Variants in NRXN1 observed in about 807,000 individuals in gnomAD.
NRXN1 encodes neurexin 1.
A neutral mutation model predicts 150.9 loss-of-function variants in NRXN1; 39 were observed. That is an observed-to-expected ratio of 0.26 (90% confidence interval 0.20 to 0.34). The LOEUF (loss-of-function observed/expected upper bound fraction) is 0.34, where lower values mean the gene tolerates loss of function less well. Among genes scored for constraint, NRXN1 ranks in the 10% least tolerant of loss-of-function variants. The probability of loss-of-function intolerance (pLI) is 1.00; values close to 1 mark genes in which losing one functional copy is unlikely to be tolerated. For missense variants in NRXN1, 1,815 were observed against 1,949.9 expected (o/e 0.93, Z 1.30); for synonymous variants, 924 against 757.0 (o/e 1.22, Z -3.62).
intron 15 of NRXN1, among the ~76,000 whole-genome samples, chr2:50,484,840 T>TAGTAGAAA (rs1558811563): frequency 6.6e-6 from 1 of 152,152 alleles, no homozygotes; most frequent in Non-Finnish European, 1.5e-5. Context: ...TTATACAATG[T>TAGTAGAAA]AGTAGAAAAG....
chr2:50,823,696 G>T (rs1052035460), intron 5 of NRXN1, among the ~76,000 whole-genome samples: 2 of 152,194 alleles, frequency 1.3e-5, no homozygotes, highest in Admixed American at 6.5e-5. Flanking sequence ...TGATTTATGG[G>T]TCCTAAAGAG....
At position 50,626,567 on chromosome 2, in the gene NRXN1, A is replaced by T. The variant is rs369732701; in HGVS notation, c.833-2952T>A. 2.0e-5 allele frequency among the ~76,000 whole-genome samples: 3 copies of T among 152,116 alleles called. No individual in the cohort carries two copies. In the South Asian group the frequency reaches 6.2e-4, roughly 32 times the overall value. On this transcript the variant is annotated intron_variant, in intron 5 of 22. Coordinates refer to ENST00000401669, the MANE Select transcript of NRXN1 (RefSeq NM_001330078.2). ...AGGTTACTGGGACAATCAGTTATTC[A>T]TAAGAAAAAAGTGAAATTGGATCTT...
chr2:50,914,622 C>T (rs1703566241), intron 5 of NRXN1, among the ~76,000 whole-genome samples: 1 of 151,578 alleles, frequency 6.6e-6, no homozygotes, highest in Non-Finnish European at 1.5e-5. Context: ...TTGCATTGGA[C>T]AGGGAATGAG....
In NRXN1 at chr2:50,644,007, G is replaced by GT. The variant is rs1020587904; in HGVS notation, c.833-20393dup. ...CCTATTCAGAGGCACAAAGTTGTTG[G>GT]TTTTTTTTGTTTGTTTGTTTTTTAC... On this transcript the variant is annotated intron_variant, in intron 5 of 22. Coordinates refer to ENST00000401669, the MANE Select transcript of NRXN1 (RefSeq NM_001330078.2). 4.6e-5 allele frequency among the ~76,000 whole-genome samples: 7 copies of GT among 151,182 alleles called. No individual in the cohort carries two copies. In the South Asian group the frequency reaches 1.3e-3, roughly 27 times the overall value.
chr2:50,044,544 G>A (rs925667563), intron 21 of NRXN1, among the ~76,000 whole-genome samples: 26 of 152,132 alleles, frequency 1.7e-4, no homozygotes, highest in African/African-American at 6.3e-4. Flanking sequence ...TCCCCAATAT[G>A]CTTGTTATTA....
chr2:51,006,850 G>A (rs556259726), intron 2 of NRXN1, among the ~76,000 whole-genome samples: 3 of 151,694 alleles, frequency 2.0e-5, no homozygotes, highest in East Asian at 2.0e-4. Context: ...TTCAAGTTTC[G>A]CCTTAGCTGT....
At chr2:50,108,912 C>T (rs1702014784) in intron 18 of NRXN1, among the ~76,000 whole-genome samples, 1 of 152,098 alleles carries the variant, frequency 6.6e-6, no homozygotes, top group South Asian at 2.1e-4. Context: ...CGAAACCACA[C>T]TGTTGGATGC....
chr2:50,481,162 T>C (rs1351620432), intron 15 of NRXN1, among the ~76,000 whole-genome samples: 2 of 152,318 alleles, frequency 1.3e-5, no homozygotes, highest in Non-Finnish European at 2.9e-5. Context: ...TGTCCGTTAA[T>C]CCAGACTGAC....
chr2:50,357,340 C>T (rs563778185), intron 17 of NRXN1, among the ~76,000 whole-genome samples: 14 of 151,342 alleles, frequency 9.3e-5, no homozygotes, highest in South Asian at 8.3e-4. Context: ...CAAAGTTTCA[C>T]TCTTGTTGCC....
intron 5 of NRXN1, among the ~76,000 whole-genome samples, chr2:50,636,125 T>C (rs556471402): frequency 6.6e-6 from 1 of 152,304 alleles, no homozygotes; most frequent in African/African-American, 2.4e-5. Context: ...TAAGGCTCAT[T>C]ACATAAGAAC....
At chr2:50,721,690 T>C (rs919505872) in intron 5 of NRXN1, among the ~76,000 whole-genome samples, 4 of 152,190 alleles carry the variant, frequency 2.6e-5, no homozygotes, top group African/African-American at 7.2e-5. Context: ...TACTTACCAC[T>C]TGCTATTTAC....
At chr2:50,717,498 C>G (rs1696020747) in intron 5 of NRXN1, among the ~76,000 whole-genome samples, 1 of 152,146 alleles carries the variant, frequency 6.6e-6, no homozygotes, top group Non-Finnish European at 1.5e-5. Flanking sequence ...AATAAACATT[C>G]TCTTGACATT....
intron 18 of NRXN1, among the ~76,000 whole-genome samples, chr2:50,166,053 A>C (rs1343988239): frequency 6.6e-6 from 1 of 152,146 alleles, no homozygotes; most frequent in Non-Finnish European, 1.5e-5. Flanking sequence ...ATACAGGCTG[A>C]GCAAGCCAAA....
chr2:50,037,726 C>T (rs914176107), intron 21 of NRXN1, among the ~76,000 whole-genome samples: 39 of 152,224 alleles, frequency 2.6e-4, no homozygotes, highest in Non-Finnish European at 3.8e-4. Context: ...TGAGTACAAA[C>T]GATTATTACT....
intron 5 of NRXN1, among the ~76,000 whole-genome samples, chr2:50,812,800 C>CA (rs776852334): frequency 0.022 from 2,362 of 106,648 alleles, 28 homozygotes; most frequent in Middle Eastern, 0.044. Flanking sequence ...AAAGAGAAAG[C>CA]AAAAAAAAAA....
At chr2:50,833,822 A>C (rs994608693) in intron 5 of NRXN1, among the ~76,000 whole-genome samples, 2 of 152,196 alleles carry the variant, frequency 1.3e-5, no homozygotes, top group African/African-American at 4.8e-5. Flanking sequence ...AAATCTTCTA[A>C]GGAAATGCAC....
intron 5 of NRXN1, among the ~76,000 whole-genome samples, chr2:50,907,292 A>G (rs1432409262): frequency 6.6e-6 from 1 of 151,990 alleles, no homozygotes; most frequent in Non-Finnish European, 1.5e-5. Context: ...ATGGCGGTTC[A>G]TTCTTCACTG....
At chr2:50,925,231 G>T (rs574223083) in intron 3 of NRXN1, among the ~76,000 whole-genome samples, 66 of 151,868 alleles carry the variant, frequency 4.3e-4, no homozygotes, top group Non-Finnish European at 7.8e-4. Flanking sequence ...CTTAAAAAAT[G>T]AGAATAAGGA....
chr2:50,639,458 T>G (rs1268104307), intron 5 of NRXN1, among the ~76,000 whole-genome samples: 2 of 152,072 alleles, frequency 1.3e-5, no homozygotes, highest in East Asian at 3.9e-4. Context: ...TGACCTCAAG[T>G]GATCTGCCTG....
Sources: allele counts gnomAD v4.1 joint callset (sites outside exome capture counted in the v4.1 genomes callset), GRCh38; gene constraint gnomAD v4.1.1; transcripts MANE v1.5; gene names NCBI Gene and HGNC (gene_info 2026-07-23, HGNC 2026-07-21).